CRISP2: variants seen among roughly 807,000 people sequenced by gnomAD.
CRISP2 encodes cysteine rich secretory protein 2.
Under a neutral mutation model 31.7 loss-of-function variants are expected in CRISP2, and 29 were observed. That is an observed-to-expected ratio of 0.92 (90% confidence interval 0.68 to 1.25). The LOEUF is 1.25. CRISP2 is among the 50% of genes most tolerant of loss of function. CRISP2 has a pLI of 0.00. For synonymous variants in CRISP2, 111 were observed against 101.4 expected (o/e 1.09, Z -0.57); for missense variants, 318 against 286.5 (o/e 1.11, Z -0.79).
chr6:49,703,322 C>G (rs975433077), intron 4 of CRISP2, among the ~76,000 whole-genome samples: 2 of 151,544 alleles, frequency 1.3e-5, no homozygotes, highest in Non-Finnish European at 2.9e-5. Context: ...GGCTCCATAT[C>G]AATTTTAGAA....
chr6:49,700,549 A>G, intron 5 of CRISP2, 119 bp downstream of exon 5: 1 of 714,296 alleles, frequency 1.4e-6, no homozygotes, highest in South Asian at 1.6e-5. Context: ...GTTCAAATAA[A>G]ATAACAAAAC....
At chr6:49,709,610 T>C (rs1313190077) in intron 3 of CRISP2, among the ~76,000 whole-genome samples, 2 of 152,206 alleles carry the variant, frequency 1.3e-5, no homozygotes, top group African/African-American at 2.4e-5. Flanking sequence ...CATCTCTCAA[T>C]TGGCTATTCT....
downstream of CRISP2, among the ~76,000 whole-genome samples, chr6:49,690,603 G>A (rs575369979): frequency 6.6e-6 from 1 of 152,122 alleles, no homozygotes; most frequent in Non-Finnish European, 1.5e-5. Flanking sequence ...ATATCATAAT[G>A]TTCACTGAAA....
downstream of CRISP2, among the ~76,000 whole-genome samples, chr6:49,689,973 A>G (rs1298091758): frequency 1.3e-5 from 2 of 152,180 alleles, no homozygotes; most frequent in African/African-American, 4.8e-5. Context: ...AGCATCTTCT[A>G]TCTTTAAAAT....
At chr6:49,683,439 C>G in the CRISP2 span, among the ~76,000 whole-genome samples, 1 of 150,424 alleles carries the variant, frequency 6.6e-6, no homozygotes, top group Non-Finnish European at 1.5e-5. Flanking sequence ...CTTTGGGAGG[C>G]TGAGGCAGGC....
At chr6:49,692,109 G>T (rs1764082902), downstream of CRISP2, among the ~76,000 whole-genome samples, 1 of 151,896 alleles carries the variant, frequency 6.6e-6, no homozygotes, top group Admixed American at 6.6e-5. Flanking sequence ...AAACCAGTAG[G>T]GAGATCAAAA....
the CRISP2 span, among the ~76,000 whole-genome samples, chr6:49,683,819 A>C: frequency 6.7e-6 from 1 of 149,090 alleles, no homozygotes; most frequent in African/African-American, 2.5e-5. Context: ...CATTGTCAAA[A>C]GTGAACACAT....
At chr6:49,702,171 A>ATTTTCT (rs1766174690) in intron 4 of CRISP2, among the ~76,000 whole-genome samples, 1 of 103,992 alleles carries the variant, frequency 9.6e-6, no homozygotes, top group Non-Finnish European at 2.0e-5. Context: ...ATATATATAT[A>ATTTTCT]TATATATATA....
the CRISP2 span, among the ~76,000 whole-genome samples, chr6:49,684,039 T>C: frequency 1.3e-5 from 2 of 152,024 alleles, no homozygotes; most frequent in Non-Finnish European, 2.9e-5. Flanking sequence ...TGATGTTCCT[T>C]GGCTGATTGT....
chr6:49,690,647 T>A (rs1221696631), downstream of CRISP2, among the ~76,000 whole-genome samples: 1 of 152,080 alleles, frequency 6.6e-6, no homozygotes, highest in Non-Finnish European at 1.5e-5. Context: ...GCAAAATCTA[T>A]AAAATCAAAT....
intron 9 of CRISP2, among the ~76,000 whole-genome samples, chr6:49,693,625 C>T (rs1306028594): frequency 1.3e-5 from 2 of 152,224 alleles, no homozygotes; most frequent in African/African-American, 2.4e-5. Context: ...CACCCACAAT[C>T]TAAGGGAAAT....
At chr6:49,687,960 T>C (rs142754797), downstream of CRISP2, among the ~76,000 whole-genome samples, 40 of 152,236 alleles carry the variant, frequency 2.6e-4, no homozygotes, top group African/African-American at 9.6e-4. Flanking sequence ...TAAACAACAG[T>C]ATTAGGCACA....
chr6:49,701,525 T>TACACAC (rs1214427161), intron 4 of CRISP2, among the ~76,000 whole-genome samples: 5 of 81,102 alleles, frequency 6.2e-5, no homozygotes, highest in African/African-American at 2.7e-4. Flanking sequence ...TATATATATA[T>TACACAC]ACACACACAC....
At chr6:49,693,068 T>C (rs1764182420) in intron 9 of CRISP2, among the ~76,000 whole-genome samples, 168 bp from the exon 10 acceptor site, 1 of 152,172 alleles carries the variant, frequency 6.6e-6, no homozygotes, top group Admixed American at 6.5e-5. Flanking sequence ...CCATGGTGTA[T>C]ATGTGCCACA....
At chr6:49,694,553 T>C (rs933821956) in intron 9 of CRISP2, among the ~76,000 whole-genome samples, 1 of 151,978 alleles carries the variant, frequency 6.6e-6, no homozygotes. Flanking sequence ...CCCCACACAC[T>C]TCCTTCTCTT....
At chr6:49,681,373 C>G in the CRISP2 span, among the ~76,000 whole-genome samples, 3 of 151,874 alleles carry the variant, frequency 2.0e-5, no homozygotes, top group African/African-American at 7.3e-5. Flanking sequence ...TTGTACTTAC[C>G]AGTATCATGC....
intron 9 of CRISP2, among the ~76,000 whole-genome samples, chr6:49,695,294 G>A (rs1181182927): frequency 6.6e-6 from 1 of 152,026 alleles, no homozygotes; most frequent in African/African-American, 2.4e-5. Flanking sequence ...TCATAAAAAT[G>A]TACACAAAAC....
the CRISP2 span, among the ~76,000 whole-genome samples, chr6:49,682,774 C>T: frequency 6.9e-6 from 1 of 145,840 alleles, no homozygotes; most frequent in Admixed American, 7.0e-5. Flanking sequence ...TCCTCCCTCC[C>T]TTCCCTCATT....
At chr6:49,693,428 T>A (rs946577881) in intron 9 of CRISP2, among the ~76,000 whole-genome samples, 28 of 152,188 alleles carry the variant, frequency 1.8e-4, no homozygotes, top group African/African-American at 5.8e-4. Flanking sequence ...GGCATTACAC[T>A]CCAATGCTTT....
Sources: gnomAD v4.1 joint callset for allele counts (sites outside exome capture counted in the v4.1 genomes callset) on GRCh38, gnomAD v4.1.1 for gene constraint, MANE v1.5 for transcripts, NCBI Gene and HGNC (gene_info 2026-07-23, HGNC 2026-07-21) for gene names.